The following EBF3 variants were observed in gnomAD, a reference collection of about 807,000 sequenced individuals.
EBF3 encodes EBF transcription factor 3.
A neutral mutation model predicts 77.1 loss-of-function variants in EBF3; 18 were observed. That is an observed-to-expected ratio of 0.23 (90% confidence interval 0.16 to 0.35). The LOEUF (loss-of-function observed/expected upper bound fraction) is 0.35. Among genes scored for constraint, EBF3 ranks in the 10% least tolerant of loss-of-function variants. EBF3 has a pLI of 1.00. For synonymous variants in EBF3, 350 were observed against 343.5 expected, an observed-to-expected ratio of 1.02 and a Z score of -0.21; for missense variants, 558 against 860.0, an observed-to-expected ratio of 0.65 and a Z score of 4.39.
intron 4 of EBF3, among the ~76,000 whole-genome samples, chr10:129,961,364 C>T (rs2134643206): frequency 6.6e-6 from 1 of 152,258 alleles, no homozygotes; most frequent in South Asian, 2.1e-4. Flanking sequence ...TTTAAAACAA[C>T]CAAATCAACA....
intron 6 of EBF3, among the ~76,000 whole-genome samples, chr10:129,932,459 A>T (rs1564902220): frequency 6.6e-6 from 1 of 152,212 alleles, no homozygotes; most frequent in Non-Finnish European, 1.5e-5. Flanking sequence ...TCCCTCTCAG[A>T]AAGGTGAAAG....
intron 10 of EBF3, among the ~76,000 whole-genome samples, chr10:129,849,550 C>T (rs1344069733): frequency 6.6e-6 from 1 of 152,172 alleles, no homozygotes; most frequent in Non-Finnish European, 1.5e-5. Flanking sequence ...TAGGGGGCCG[C>T]CTTTGCAAGT....
At chr10:129,960,384 C>T (rs1859413255) in intron 4 of EBF3, among the ~76,000 whole-genome samples, 1 of 152,236 alleles carries the variant, frequency 6.6e-6, no homozygotes, top group Non-Finnish European at 1.5e-5. Context: ...CTCACCCAGC[C>T]TCCTGCCTGG....
intron 6 of EBF3, among the ~76,000 whole-genome samples, chr10:129,888,832 G>T (rs533666096): frequency 5.1e-4 from 77 of 152,266 alleles, no homozygotes; most frequent in African/African-American, 1.8e-3. Flanking sequence ...GTATGCAAGA[G>T]AAAATTGCTA....
At chr10:129,915,505 C>T (rs1855825920) in intron 6 of EBF3, among the ~76,000 whole-genome samples, 1 of 144,182 alleles carries the variant, frequency 6.9e-6, no homozygotes, top group Admixed American at 6.8e-5. Flanking sequence ...CACAAAAAAG[C>T]CAAGACAAGT....
intron 10 of EBF3, among the ~76,000 whole-genome samples, chr10:129,850,569 G>A (rs566181590): frequency 4.8e-4 from 73 of 152,330 alleles, no homozygotes; most frequent in African/African-American, 1.5e-3. Context: ...TGCGGGCCGA[G>A]GCAAGGGGCT....
At position 129,944,257 on chromosome 10, in the gene EBF3, C is replaced by T. The variant is rs2296549; in HGVS notation, c.554+13001G>A. ...TTTATTTGCGGGTGGGGTCATTTCT[C>T]CTTTCAGATTGGTCAATGAGGGGAA... On this transcript the variant is annotated intron_variant, in intron 6 of 16. Coordinates refer to ENST00000440978, the MANE Select transcript of EBF3 (RefSeq NM_001375380.1). This position sits in a 1 kb window ranked among gnomAD's most constrained non-coding sequence, Gnocchi z 5.1. 2.1e-3 allele frequency among the ~76,000 whole-genome samples: 314 copies of T among 152,258 alleles called. 8 individuals carry two copies. In the East Asian group the frequency reaches 0.047, roughly 23 times the overall value.
intron 7 of EBF3, among the ~76,000 whole-genome samples, chr10:129,877,544 G>A (rs368451449): frequency 2.0e-5 from 3 of 148,936 alleles, no homozygotes; most frequent in Non-Finnish European, 3.0e-5. Context: ...TTCGCTGTTC[G>A]CTATATTGTG....
intron 6 of EBF3, among the ~76,000 whole-genome samples, chr10:129,889,144 G>C (rs1029931317): frequency 3.3e-5 from 5 of 152,230 alleles, no homozygotes; most frequent in Admixed American, 3.3e-4. Context: ...AGGACATGGT[G>C]GTCCCCTCTG....
chr10:129,911,658 G>A (rs1164338917), intron 6 of EBF3, among the ~76,000 whole-genome samples: 4 of 152,174 alleles, frequency 2.6e-5, no homozygotes, highest in Admixed American at 6.5e-5. Context: ...CTGGGCTCAC[G>A]GGGCAGGGAC....
At chr10:129,896,601 G>A (rs913341140) in intron 6 of EBF3, among the ~76,000 whole-genome samples, 4 of 152,218 alleles carry the variant, frequency 2.6e-5, no homozygotes, top group Admixed American at 1.3e-4. Context: ...ACGTGCTGGG[G>A]CGCGGCCTCC....
At chr10:129,856,473 C>A (rs1179050395) in intron 10 of EBF3, among the ~76,000 whole-genome samples, 1 of 152,068 alleles carries the variant, frequency 6.6e-6, no homozygotes, top group Non-Finnish European at 1.5e-5. Flanking sequence ...AGAAGCCAGA[C>A]ACAAAGAACT....
chr10:129,956,274 A>G (rs936409835), intron 6 of EBF3, among the ~76,000 whole-genome samples: 1 of 152,202 alleles, frequency 6.6e-6, no homozygotes, highest in African/African-American at 2.4e-5. Context: ...CTTTGTAATG[A>G]AAGCTGCGGA....
chr10:129,865,226 C>T (rs184585071), intron 10 of EBF3, among the ~76,000 whole-genome samples: 2 of 152,342 alleles, frequency 1.3e-5, no homozygotes, highest in African/African-American at 2.4e-5. Context: ...TCTGACATCT[C>T]GCCTTTCCCA....
At chr10:129,866,466 G>A (rs1271886576) in intron 10 of EBF3, among the ~76,000 whole-genome samples, 1 of 152,214 alleles carries the variant, frequency 6.6e-6, no homozygotes, top group East Asian at 1.9e-4. Flanking sequence ...AACAAGTGGG[G>A]CTAATTCAGC....
intron 6 of EBF3, among the ~76,000 whole-genome samples, chr10:129,904,121 C>G (rs535376402): frequency 3.9e-5 from 6 of 152,216 alleles, no homozygotes; most frequent in Non-Finnish European, 8.8e-5. Context: ...TCATGCCCTT[C>G]CACCTAGAAT....
At chr10:129,877,253 G>A (rs2134126744) in intron 7 of EBF3, among the ~76,000 whole-genome samples, 1 of 152,206 alleles carries the variant, frequency 6.6e-6, no homozygotes, top group South Asian at 2.1e-4. Context: ...CACTTTCAGA[G>A]GCCAAGGCAG....
At chr10:129,871,951 G>C (rs567904479) in intron 8 of EBF3, among the ~76,000 whole-genome samples, 1 of 152,316 alleles carries the variant, frequency 6.6e-6, no homozygotes, top group South Asian at 2.1e-4. Context: ...AATAGCTTTT[G>C]ATTAGTTGGG....
At chr10:129,953,936 G>A (rs1298413746) in intron 6 of EBF3, among the ~76,000 whole-genome samples, 1 of 152,210 alleles carries the variant, frequency 6.6e-6, no homozygotes, top group Non-Finnish European at 1.5e-5. Context: ...GGTGAAACAG[G>A]AGAGATTTAT....
Sources: gnomAD v4.1 joint callset for allele counts (sites outside exome capture counted in the v4.1 genomes callset) on GRCh38, gnomAD v4.1.1 for gene constraint, Gnocchi (gnomAD v3.1) non-coding constraint, MANE v1.5 for transcripts, NCBI Gene and HGNC (gene_info 2026-07-23, HGNC 2026-07-21) for gene names.